HELZ: variants seen among roughly 807,000 people sequenced by gnomAD.
HELZ encodes the protein ATP-dependent RNA helicase with zinc finger domain.
In HELZ, 23 loss-of-function variants were observed where a neutral mutation model predicts 218.2. The observed-to-expected ratio is 0.11, with a 90% CI of 0.08 to 0.15. The LOEUF (loss-of-function observed/expected upper bound fraction) is 0.15. Among genes scored for constraint, HELZ ranks in the 10% least tolerant of loss-of-function variants. The pLI is 1.00. For missense variants in HELZ, 1,813 were observed against 2,353.7 expected, an observed-to-expected ratio of 0.77 and a Z score of 4.75; for synonymous variants, 814 against 829.4, an observed-to-expected ratio of 0.98 and a Z score of 0.32.
chr17:67,128,997 T>C lies in HELZ; in HGVS notation c.3183-142A>G, dbSNP rs549410046. On this transcript the variant is annotated intron_variant, in intron 23 of 32. Transcript: ENST00000358691. ...ATAGTCATCTATGATTGAGATAAAA[T>C]CTTTCTACCAGATCACAAGACTCCA... 123 of 666,800 alleles carry C rather than the reference T, an allele frequency of 1.8e-4. No homozygotes were observed. In the African/African-American group the frequency reaches 1.9e-3, roughly 10 times the overall value. The allele number at this position is 666,800 out of a possible 1,614,324, so 41.3% of individuals were successfully genotyped here.
At chr17:67,214,723 T>C (rs774471258) in intron 5 of HELZ, among the ~76,000 whole-genome samples, 5 of 152,138 alleles carry the variant, frequency 3.3e-5, no homozygotes, top group Non-Finnish European at 5.9e-5. Context: ...ACCAAACGTG[T>C]GTGAGAATGT....
chr17:67,117,199 C>A (rs548261724), intron 27 of HELZ, among the ~76,000 whole-genome samples: 2 of 152,198 alleles, frequency 1.3e-5, no homozygotes, highest in South Asian at 2.1e-4. Context: ...CAAGTACACA[C>A]AGAACATTTA....
intron 24 of HELZ, among the ~76,000 whole-genome samples, chr17:67,124,850 C>T (rs909007486): frequency 6.6e-6 from 1 of 151,852 alleles, no homozygotes; most frequent in Non-Finnish European, 1.5e-5. Flanking sequence ...TTTGAAGAGA[C>T]AATGGTTCTG....
rs1212888229 is a variant in HELZ at position 67,124,053 on chromosome 17, G to C, written c.3388-39C>G. ...CACAAATGTATAATAATTTAAGCAT[G>C]TTTAGTATTAGAAAACAATAACCAT... On this transcript the variant is annotated intron_variant, in intron 24 of 32. Transcript: ENST00000358691. 3.1e-6 allele frequency: 4 copies of C among 1,306,304 alleles called. No homozygotes were observed. In the African/African-American group the frequency reaches 5.8e-5, roughly 19 times the overall value. 80.9% of individuals were successfully genotyped at this position (1,306,304 alleles called of 1,614,324 possible).
At chr17:67,113,542 G>A (rs1409564352) in intron 28 of HELZ, among the ~76,000 whole-genome samples, 2 of 152,178 alleles carry the variant, frequency 1.3e-5, no homozygotes, top group African/African-American at 2.4e-5. Context: ...TTACAGGCGT[G>A]AGCAACCGCC....
intron 31 of HELZ, among the ~76,000 whole-genome samples, chr17:67,090,862 T>C (rs1305166233): frequency 6.6e-6 from 1 of 151,044 alleles, no homozygotes; most frequent in Non-Finnish European, 1.5e-5. Context: ...CTTTTCTGTT[T>C]TGAATTGTAT....
chr17:67,078,049 AGTTTTG>A lies in HELZ; in HGVS notation c.*197_*202del. On this transcript the variant is annotated 3_prime_UTR_variant, in exon 33 of 33. Transcript: ENST00000358691. ...TTTTATTCTACATAAAAGCTGTCAA[AGTTTTG>A]ACACATCAAAAATGCAAAATAATGG... The A allele has an allele frequency of 2.2e-6, 1 of 459,672 alleles. No individual in the cohort carries two copies. Among genetic ancestry groups the A allele is most frequent in the East Asian group, 3.9e-5 (1 of 25,742 alleles). The allele number at this position is 459,672 out of a possible 1,614,324, so 28.5% of individuals were successfully genotyped here. A position where few individuals can be genotyped will look rare whatever the true frequency, so the allele number is the denominator to read the frequency against.
intron 18 of HELZ, chr17:67,150,258 T>G (rs1374562464): frequency 1.2e-5 from 3 of 250,590 alleles, no homozygotes; most frequent in Non-Finnish European, 2.2e-5. Flanking sequence ...GCCTCCCAAG[T>G]AGCTGAGACT....
chr17:67,160,478 A>G (rs2038964584), intron 16 of HELZ, 116 bp from the exon 17 acceptor site: 1 of 667,898 alleles, frequency 1.5e-6, no homozygotes, highest in Admixed American at 2.7e-5. Flanking sequence ...CCCTTACCCT[A>G]CTCAGTAATC....
intron 17 of HELZ, 48 bp downstream of exon 17, chr17:67,160,213 G>T (rs1284747531): frequency 2.7e-6 from 3 of 1,125,094 alleles, no homozygotes; most frequent in Non-Finnish European, 2.7e-6. Context: ...CTTTTCTTAA[G>T]AATAATAAAG....
chr17:67,171,870 TGCCCCA>T (rs1341694134), intron 13 of HELZ, among the ~76,000 whole-genome samples: 2 of 151,836 alleles, frequency 1.3e-5, no homozygotes, highest in African/African-American at 4.8e-5. Context: ...TCACTCTTGA[TGCCCCA>T]GCTGGAGTTC....
At chr17:67,166,362 T>C in intron 15 of HELZ, 116 bp downstream of exon 15, 1 of 770,594 alleles carries the variant, frequency 1.3e-6, no homozygotes, top group South Asian at 2.2e-5. Context: ...TCTAAACCAA[T>C]ATCTCCTGAA....
chr17:67,107,696 A>T lies in HELZ; in HGVS notation c.4725-11T>A. 1 of 1,598,658 alleles carries T rather than the reference A, an allele frequency of 6.3e-7. No individual in the cohort carries two copies. Among genetic ancestry groups the T allele is most frequent in the South Asian group, 1.1e-5 (1 of 88,720 alleles). ...ATTAAGTCTTGAAACCTACATGAAA[A>T]CAATAAAATATGAGGAGAAAACAAA... On this transcript the variant is annotated splice_polypyrimidine_tract_variant and intron_variant, in intron 30 of 32. Coordinates refer to ENST00000358691, the MANE Select transcript of HELZ (RefSeq NM_014877.4).
At chr17:67,159,778 A>G (rs1007200281) in intron 17 of HELZ, among the ~76,000 whole-genome samples, 2 of 152,156 alleles carry the variant, frequency 1.3e-5, no homozygotes, top group African/African-American at 4.8e-5. Flanking sequence ...AATACCAGTC[A>G]AGTACATTTT....
At chr17:67,087,552 C>A (rs547102853) in intron 31 of HELZ, among the ~76,000 whole-genome samples, 1 of 152,260 alleles carries the variant, frequency 6.6e-6, no homozygotes, top group Non-Finnish European at 1.5e-5. Flanking sequence ...ATCTCTTGGG[C>A]CCTTCCTTCA....
At chr17:67,203,154 G>A (rs914188029) in intron 6 of HELZ, among the ~76,000 whole-genome samples, 165 bp downstream of exon 6, 3 of 151,818 alleles carry the variant, frequency 2.0e-5, no homozygotes, top group Non-Finnish European at 2.9e-5. Flanking sequence ...AGAAAAGAAA[G>A]AAAAGAAAAA....
At chr17:67,162,146 T>C (rs2039010980) in intron 15 of HELZ, among the ~76,000 whole-genome samples, 1 of 152,166 alleles carries the variant, frequency 6.6e-6, no homozygotes, top group Non-Finnish European at 1.5e-5. Context: ...CCAGGCATGG[T>C]GGCTCATGCC....
intron 3 of HELZ, among the ~76,000 whole-genome samples, chr17:67,221,512 T>A (rs2040744393): frequency 1.3e-5 from 2 of 152,176 alleles, no homozygotes; most frequent in Admixed American, 1.3e-4. Context: ...ATGCACCAGC[T>A]AAAATCTTTC....
Position 67,137,947 on chromosome 17 carries a change from C to T in HELZ, c.2937G>A (p.Arg979=), listed in dbSNP as rs771001419. 27 of 1,610,304 alleles carry T rather than the reference C, an allele frequency of 1.7e-5. No homozygotes were observed. The highest frequency in any genetic ancestry group is 2.1e-5 in the Non-Finnish European group (25 of 1,177,858). The change falls in exon 22 of 33, where the codon AGG becomes AGA. Residue 979 remains arginine (R), a synonymous_variant. Coordinates refer to ENST00000358691, the MANE Select transcript of HELZ (RefSeq NM_014877.4). The stretch of plus-strand genomic sequence containing the variant: ...GACACTTACCTTGAACATTTAGCAC[C>T]CTTTCTACATTAACATCAGATAATC... The part of the protein sequence containing the change: ...KKRLSDVNVE[R]VLNVQGKQFR...
Sources: allele counts gnomAD v4.1 joint callset (sites outside exome capture counted in the v4.1 genomes callset), GRCh38; gene constraint gnomAD v4.1.1; transcripts MANE v1.5; gene names NCBI Gene and HGNC (gene_info 2026-07-23, HGNC 2026-07-21).